Variants in DTNB observed in about 807,000 individuals in gnomAD.
The protein encoded by DTNB is dystrobrevin beta.
DTNB carries 63 observed loss-of-function variants against 90.7 expected under a neutral mutation model. The observed-to-expected ratio is 0.69, with a 90% CI of 0.57 to 0.86. The LOEUF (loss-of-function observed/expected upper bound fraction) is 0.86, where lower values mean the gene tolerates loss of function less well. Ranked by LOEUF, DTNB falls within the 40% of genes least tolerant of loss-of-function variation. The pLI, the probability that DTNB is intolerant of heterozygous loss-of-function variation, is 0.00. For missense variants in DTNB, 744 were observed against 807.1 expected (o/e 0.92, Z 0.95); for synonymous variants, 277 against 286.7 (o/e 0.97, Z 0.34).
chr2:25,659,367 T>G (rs1315620133), intron 1 of DTNB, among the ~76,000 whole-genome samples: 1 of 151,760 alleles, frequency 6.6e-6, no homozygotes, highest in African/African-American at 2.4e-5. Context: ...AGTAACAAAT[T>G]CAAAAGAATT....
intron 12 of DTNB, among the ~76,000 whole-genome samples, chr2:25,451,069 G>C (rs1326499117): frequency 6.6e-6 from 1 of 152,112 alleles, no homozygotes; most frequent in Admixed American, 6.5e-5. Flanking sequence ...GCCTCCCAAG[G>C]TGCTGGGATA....
At chr2:25,409,802 G>A (rs1302706456) in intron 16 of DTNB, among the ~76,000 whole-genome samples, 2 of 152,056 alleles carry the variant, frequency 1.3e-5, no homozygotes, top group South Asian at 2.1e-4. Context: ...TAAGGCTCAC[G>A]TTTATGGTTT....
intron 18 of DTNB, among the ~76,000 whole-genome samples, chr2:25,386,954 G>C (rs2039639414): frequency 6.6e-6 from 1 of 152,188 alleles, no homozygotes; most frequent in Admixed American, 6.5e-5. Context: ...TCAGGCCTAG[G>C]GAGAGAGCGG....
At chr2:25,666,159 C>T (rs1033921471) in intron 1 of DTNB, among the ~76,000 whole-genome samples, 2 of 152,112 alleles carry the variant, frequency 1.3e-5, no homozygotes, top group Non-Finnish European at 2.9e-5. Flanking sequence ...AATGTGTTTT[C>T]TTTAAAGGTT....
At chr2:25,662,680 AAACACACACACACAC>A (rs2083468300) in intron 1 of DTNB, among the ~76,000 whole-genome samples, 2 of 129,842 alleles carry the variant, frequency 1.5e-5, no homozygotes, top group East Asian at 2.5e-4. Flanking sequence ...ACACACACAC[AAACACACACACACAC>A]ACACACACAC....
At chr2:25,573,750 A>G (rs1393579993) in intron 8 of DTNB, among the ~76,000 whole-genome samples, 1 of 152,106 alleles carries the variant, frequency 6.6e-6, no homozygotes, top group Non-Finnish European at 1.5e-5. Context: ...TCCCTCTCCA[A>G]TGTCAGTTTC....
intron 3 of DTNB, among the ~76,000 whole-genome samples, chr2:25,638,487 C>T (rs1433676589): frequency 2.6e-5 from 4 of 152,136 alleles, no homozygotes; most frequent in Non-Finnish European, 4.4e-5. Context: ...CTGTCACGAG[C>T]TAGTTCATCT....
At chr2:25,639,592 C>T (rs2077803584) in intron 2 of DTNB, among the ~76,000 whole-genome samples, 1 of 148,312 alleles carries the variant, frequency 6.7e-6, no homozygotes, top group South Asian at 2.1e-4. Context: ...CTGTGGCAGC[C>T]TGTATTTTCC....
intron 16 of DTNB, 160 bp from the exon 17 acceptor site, chr2:25,388,521 T>A: frequency 4.0e-6 from 4 of 989,886 alleles, no homozygotes; most frequent in Non-Finnish European, 4.3e-6. Context: ...CTTCCAAGAC[T>A]GGAGAGAGGA....
At chr2:25,642,004 T>C (rs1466626810) in intron 2 of DTNB, among the ~76,000 whole-genome samples, 1 of 152,070 alleles carries the variant, frequency 6.6e-6, no homozygotes, top group Non-Finnish European at 1.5e-5. Flanking sequence ...GTATTTTTAG[T>C]AGAGACAGAG....
At chr2:25,631,023 A>G (rs1432286882) in intron 3 of DTNB, among the ~76,000 whole-genome samples, 1 of 152,112 alleles carries the variant, frequency 6.6e-6, no homozygotes, top group Non-Finnish European at 1.5e-5. Flanking sequence ...AAAAAAAAGT[A>G]TATTAGTAGC....
At chr2:25,529,847 C>T (rs571192382) in intron 9 of DTNB, among the ~76,000 whole-genome samples, 19 of 152,082 alleles carry the variant, frequency 1.2e-4, no homozygotes, top group Non-Finnish European at 2.5e-4. Flanking sequence ...TCTCAGAAGA[C>T]TTAGTTATGG....
intron 9 of DTNB, among the ~76,000 whole-genome samples, chr2:25,499,320 C>T (rs2069869340): frequency 6.6e-6 from 1 of 152,172 alleles, no homozygotes; most frequent in Non-Finnish European, 1.5e-5. Flanking sequence ...ACCTGCATGA[C>T]TTTGGACAAT....
intron 9 of DTNB, among the ~76,000 whole-genome samples, chr2:25,501,921 C>T (rs1445824153): frequency 6.6e-6 from 1 of 152,118 alleles, no homozygotes; most frequent in Non-Finnish European, 1.5e-5. Flanking sequence ...TGCAGAGGCT[C>T]ATGCATGTAA....
chr2:25,655,848 A>T (rs1434910289), intron 1 of DTNB, among the ~76,000 whole-genome samples: 1 of 152,136 alleles, frequency 6.6e-6, no homozygotes, highest in Non-Finnish European at 1.5e-5. Flanking sequence ...CACGCCTGTC[A>T]GGTAGATCTA....
chr2:25,586,426 C>T (rs1029323428), intron 6 of DTNB, among the ~76,000 whole-genome samples: 1 of 149,762 alleles, frequency 6.7e-6, no homozygotes, highest in African/African-American at 2.5e-5. Context: ...AGGAGAATTG[C>T]TTGAACTCAG....
chr2:25,608,500 A>T (rs1045320938), intron 4 of DTNB, among the ~76,000 whole-genome samples: 1 of 152,258 alleles, frequency 6.6e-6, no homozygotes. Flanking sequence ...TTTTTAAAAT[A>T]TATTGTTCTT....
intron 9 of DTNB, among the ~76,000 whole-genome samples, chr2:25,518,097 G>A (rs137922490): frequency 3.7e-4 from 57 of 152,136 alleles, no homozygotes; most frequent in Admixed American, 1.0e-3. Context: ...TATGGAAAAA[G>A]TTCTGAAGAT....
intron 9 of DTNB, among the ~76,000 whole-genome samples, chr2:25,514,883 G>A (rs571507824): frequency 1.1e-4 from 16 of 151,910 alleles, no homozygotes; most frequent in South Asian, 2.1e-4. Flanking sequence ...AGGTTTCACC[G>A]TGTTGGCCAG....
Sources: allele counts gnomAD v4.1 joint callset (sites outside exome capture counted in the v4.1 genomes callset), GRCh38; gene constraint gnomAD v4.1.1; transcripts MANE v1.5; gene names NCBI Gene and HGNC (gene_info 2026-07-23, HGNC 2026-07-21).